Variants in TMEM156 observed in about 807,000 individuals in gnomAD.
TMEM156 encodes the protein transmembrane protein 156.
TMEM156 carries 28 observed loss-of-function variants against 30.5 expected under a neutral mutation model. The observed-to-expected ratio is 0.92, with a 90% CI of 0.68 to 1.26. The LOEUF (loss-of-function observed/expected upper bound fraction) is 1.26, where lower values mean the gene tolerates loss of function less well. Among genes scored for constraint, TMEM156 ranks in the 50% most tolerant of loss-of-function variants. TMEM156 has a pLI of 0.00. For synonymous variants in TMEM156, 137 were observed against 119.9 expected, an observed-to-expected ratio of 1.14 and a Z score of -0.93; for missense variants, 351 against 340.6, an observed-to-expected ratio of 1.03 and a Z score of -0.24.
At chr4:39,016,532 T>C (rs377001375) in intron 1 of TMEM156, among the ~76,000 whole-genome samples, 1 of 152,330 alleles carries the variant, frequency 6.6e-6, no homozygotes, top group African/African-American at 2.4e-5. Context: ...ATGTTTTAGG[T>C]ATAAGCATTT....
intron 4 of TMEM156, 94 bp downstream of exon 4, chr4:38,988,757 G>A (rs563706542): frequency 2.7e-6 from 4 of 1,483,170 alleles, no homozygotes; most frequent in Non-Finnish European, 3.7e-6. Context: ...CTTATTCACA[G>A]TAGGTGCACA....
Position 39,023,343 on chromosome 4 carries a change from G to A in TMEM156, c.88+8883C>T, listed in dbSNP as rs114762131. Among the ~76,000 whole-genome samples, 379 of 152,228 alleles carry A rather than the reference G, an allele frequency of 2.5e-3. 1 individual carries two copies. The highest frequency in any genetic ancestry group is 3.1e-3 in the Non-Finnish European group (212 of 68,006). On this transcript the variant is annotated intron_variant, in intron 1 of 6. Transcript: ENST00000381938. ...GGTATTCCACAACTAGAGCATTATT[G>A]AATAGAAATAAAAACATATACTGAC...
At chr4:38,995,047 G>C (rs573591314) in intron 2 of TMEM156, among the ~76,000 whole-genome samples, 1 of 152,308 alleles carries the variant, frequency 6.6e-6, no homozygotes, top group Non-Finnish European at 1.5e-5. Flanking sequence ...CCCTCTCCTA[G>C]CTAATGGTGG....
At chr4:39,000,684 C>T (rs536057373) in intron 1 of TMEM156, among the ~76,000 whole-genome samples, 9 of 151,916 alleles carry the variant, frequency 5.9e-5, no homozygotes, top group East Asian at 3.9e-4. Flanking sequence ...GTCAGGAGTT[C>T]GAGACCAGCC....
At chr4:38,995,794 G>T (rs1018054824) in intron 2 of TMEM156, among the ~76,000 whole-genome samples, 2 of 152,176 alleles carry the variant, frequency 1.3e-5, no homozygotes, top group African/African-American at 4.8e-5. Flanking sequence ...CCAATCAAAG[G>T]CAGAGGAAGT....
chr4:38,974,207 CTT>C (rs35330425), intron 5 of TMEM156, among the ~76,000 whole-genome samples: 45 of 134,068 alleles, frequency 3.4e-4, no homozygotes, highest in Admixed American at 9.1e-4. Flanking sequence ...TTCTTTCTCT[CTT>C]TTTTTTTTTT....
At position 38,993,926 on chromosome 4, in the gene TMEM156, C is replaced by T. The variant is rs779236073; in HGVS notation, c.431G>A (p.Ser144Asn). Residue 144 changes from serine (S) to asparagine (N), a missense_variant, in exon 3 of 7, where the codon AGT (serine) becomes AAT (asparagine). Ser to Asn is a conservative substitution (Grantham distance 46). Coordinates refer to ENST00000381938, the MANE Select transcript of TMEM156 (RefSeq NM_024943.3). ...FHSPCQHFNF[S>N]VAPLVDHLEE... Reference sequence around the variant, plus strand: ...CAAGTGGTCAACCAGAGGAGCTACACTGAAGTTAAAGTGCTGACAAGGTGA... The same window carrying T: ...CAAGTGGTCAACCAGAGGAGCTACATTGAAGTTAAAGTGCTGACAAGGTGA... The T allele has an allele frequency of 5.6e-6, 9 of 1,614,140 alleles. No homozygotes were observed. The highest frequency in any genetic ancestry group is 4.4e-5 in the South Asian group (4 of 91,092).
chr4:39,020,025 A>G (rs73124074), intron 1 of TMEM156, among the ~76,000 whole-genome samples: 2,526 of 152,290 alleles, frequency 0.017, 67 homozygotes, highest in African/African-American at 0.057. Flanking sequence ...TCAACTCTTT[A>G]CGACTCCATA....
chr4:38,998,759 A>G lies in TMEM156; in HGVS notation c.239T>C (p.Phe80Ser). ...IMRIFLNPSNFRNFTRTCQDI... is the reference protein window; with the variant it reads ...IMRIFLNPSNSRNFTRTCQDI... ...TTGGCAAGTCCTGGTGAAGTTACGA[A>G]AATTGGAGGGATTTAGAAAGATTCT... Residue 80 changes from phenylalanine to serine, a missense_variant, in exon 2 of 7, where the codon TTT (phenylalanine) becomes TCT (serine). Physicochemically the swap from Phe to Ser is radical, Grantham distance 155. Coordinates refer to ENST00000381938, the MANE Select transcript of TMEM156 (RefSeq NM_024943.3). 2 of 1,613,900 alleles carry G rather than the reference A, an allele frequency of 1.2e-6. No individual in the cohort carries two copies. The highest frequency in any genetic ancestry group is 1.7e-6 in the Non-Finnish European group (2 of 1,179,934).
intron 3 of TMEM156, among the ~76,000 whole-genome samples, chr4:38,990,042 G>A (rs138208148): frequency 0.014 from 2,059 of 152,228 alleles, 19 homozygotes; most frequent in Non-Finnish European, 0.022. Context: ...CAATCCACCC[G>A]CCTCGGCCTC....
chr4:38,990,830 GTTTTTTTTT>G (rs71304784), intron 3 of TMEM156, among the ~76,000 whole-genome samples: 3 of 81,216 alleles, frequency 3.7e-5, no homozygotes, highest in Non-Finnish European at 4.8e-5. Flanking sequence ...TTGTTTTCTG[GTTTTTTTTT>G]TTTTTTTTTT....
At chr4:39,015,290 A>G (rs559507134) in intron 1 of TMEM156, among the ~76,000 whole-genome samples, 1 of 152,210 alleles carries the variant, frequency 6.6e-6, no homozygotes, top group African/African-American at 2.4e-5. Context: ...AAGGCAGAAG[A>G]TGGAATTCAG....
chr4:38,988,941 A>G lies in TMEM156; in HGVS notation c.649T>C (p.Tyr217His), dbSNP rs1712218075. The G allele has an allele frequency of 3.1e-6, 5 of 1,612,346 alleles. No homozygotes were observed. The highest frequency in any genetic ancestry group is 1.3e-5 in the African/African-American group (1 of 74,876). Residue 217 changes from tyrosine to histidine, a missense_variant, in exon 4 of 7, where the codon TAT (tyrosine) becomes CAT (histidine). Tyr to His is a moderately conservative substitution (Grantham distance 83). Coordinates refer to ENST00000381938, the MANE Select transcript of TMEM156 (RefSeq NM_024943.3). ...ATAAAAACTAATAGAACTAAAATAT[A>G]CCAAGTGATCTTCATGGAACAAGTG... is the stretch of plus-strand genomic sequence containing the variant. ...NITCSMKITW[Y>H]ILVLLVFIFL...
chr4:39,008,107 C>T (rs1713864838), intron 1 of TMEM156, among the ~76,000 whole-genome samples: 1 of 152,032 alleles, frequency 6.6e-6, no homozygotes, highest in Admixed American at 6.6e-5. Flanking sequence ...AATCTTCATA[C>T]TTTTTATTTC....
intron 1 of TMEM156, among the ~76,000 whole-genome samples, chr4:39,027,329 G>A (rs891340444): frequency 1.3e-5 from 2 of 152,120 alleles, no homozygotes; most frequent in Non-Finnish European, 2.9e-5. Flanking sequence ...CTTAAACACT[G>A]TGAACATATG....
chr4:38,998,579 T>A (rs566096282), intron 2 of TMEM156, 61 bp downstream of exon 2: 415 of 1,446,256 alleles, frequency 2.9e-4, no homozygotes, highest in Non-Finnish European at 1.5e-4. Context: ...AATACGTTTT[T>A]AACAGAATAA....
chr4:39,009,404 A>G (rs1005422368), intron 1 of TMEM156, among the ~76,000 whole-genome samples: 1 of 152,190 alleles, frequency 6.6e-6, no homozygotes, highest in Non-Finnish European at 1.5e-5. Context: ...CTATGAAACC[A>G]GTATCATCCT....
intron 1 of TMEM156, among the ~76,000 whole-genome samples, chr4:39,031,099 T>G (rs575346257): frequency 1.3e-5 from 2 of 152,376 alleles, no homozygotes; most frequent in East Asian, 3.9e-4. Context: ...ACAATAAATA[T>G]TCATTGCAGC....
At position 38,998,747 on chromosome 4, in the gene TMEM156, G is replaced by T. The variant is rs369187393; in HGVS notation, c.251C>A (p.Thr84Asn). 1.1e-5 allele frequency: 18 copies of T among 1,613,842 alleles called. No homozygotes were observed. Among genetic ancestry groups the T allele is most frequent in the Non-Finnish European group, 1.5e-5 (18 of 1,179,948 alleles). ...FLNPSNFRNF[T>N]RTCQDITGEF... ...ACCTGTGATGTCTTGGCAAGTCCTG[G>T]TGAAGTTACGAAAATTGGAGGGATT... The change falls in exon 2 of 7, where the codon ACC becomes AAC. Residue 84 changes from threonine (T) to asparagine (N), a missense_variant. Transcript: ENST00000381938.
Sources: gnomAD v4.1 joint callset for allele counts (sites outside exome capture counted in the v4.1 genomes callset) on GRCh38, gnomAD v4.1.1 for gene constraint, MANE v1.5 for transcripts, NCBI Gene and HGNC (gene_info 2026-07-23, HGNC 2026-07-21) for gene names.